Variants in ZNF93 observed in about 807,000 individuals in gnomAD.
The protein encoded by ZNF93 is zinc finger protein 505.
In ZNF93, 29 loss-of-function variants were observed where a neutral mutation model predicts 45.0. The observed-to-expected ratio is 0.64, with a 90% CI of 0.48 to 0.88. The LOEUF is 0.88. ZNF93 is among the 40% of genes least tolerant of loss of function. The pLI, the probability that ZNF93 is intolerant of heterozygous loss-of-function variation, is 0.00. For synonymous variants in ZNF93, 223 were observed against 244.6 expected (o/e 0.91, Z 0.82); for missense variants, 578 against 724.0 (o/e 0.80, Z 2.31).
At position 19,901,085 on chromosome 19, in the gene ZNF93, A is replaced by G. The variant is rs2122155099; in HGVS notation, c.-4A>G. ...AAGACACCAGGACCCCTGGAAGCCT[A>G]GAAATGGTGAGAGTGCCGGTCCGAC... On this transcript the variant is annotated 5_prime_UTR_variant, in exon 1 of 4. Coordinates refer to ENST00000343769, the MANE Select transcript of ZNF93 (RefSeq NM_031218.4). 3 of 1,613,270 alleles carry G rather than the reference A, an allele frequency of 1.9e-6. No homozygotes were observed. The highest frequency in any genetic ancestry group is 2.2e-5 in the East Asian group (1 of 44,854).
intron 3 of ZNF93, among the ~76,000 whole-genome samples, chr19:19,917,784 G>A (rs112495086): frequency 6.6e-6 from 1 of 152,032 alleles, no homozygotes; most frequent in African/African-American, 2.4e-5. Context: ...TCAATGTGCT[G>A]GGATTACAGG....
intron 3 of ZNF93, among the ~76,000 whole-genome samples, chr19:19,918,420 A>G (rs1057408765): frequency 3.9e-4 from 60 of 152,126 alleles, no homozygotes; most frequent in Admixed American, 1.4e-3. Flanking sequence ...ATACGTGTGC[A>G]TGTGTCTTTA....
intron 3 of ZNF93, among the ~76,000 whole-genome samples, chr19:19,929,000 A>G (rs1360240110): frequency 3.3e-5 from 5 of 152,018 alleles, no homozygotes; most frequent in South Asian, 2.1e-4. Flanking sequence ...TAAATCCTCA[A>G]TGTTGGCTAT....
chr19:19,904,444 G>A (rs185949271), intron 1 of ZNF93, among the ~76,000 whole-genome samples: 20 of 152,164 alleles, frequency 1.3e-4, no homozygotes, highest in Admixed American at 1.2e-3. Flanking sequence ...GTTGAGTTTC[G>A]TGGAGGTGAT....
intron 3 of ZNF93, among the ~76,000 whole-genome samples, chr19:19,918,225 TTTGC>T (rs2063330758): frequency 1.3e-5 from 2 of 152,248 alleles, no homozygotes; most frequent in South Asian, 4.2e-4. Context: ...CTTGCGATAG[TTTGC>T]TGAGAATGAT....
intron 3 of ZNF93, chr19:19,932,122 A>C (rs1278405653): frequency 4.6e-6 from 1 of 217,986 alleles, no homozygotes; most frequent in Non-Finnish European, 9.3e-6. Context: ...AAATACAAAA[A>C]ATTAGCCAGG....
rs539085318 is a variant in ZNF93 at position 19,927,131 on chromosome 19, C to A, written c.227-6051C>A. 1.0e-3 allele frequency: 406 copies of A among 398,376 alleles called. 2 individuals carry two copies. Among genetic ancestry groups the A allele is most frequent in the Non-Finnish European group, 1.6e-3 (356 of 226,052 alleles). The allele number at this position is 398,376 out of a possible 1,614,324, so 24.7% of individuals were successfully genotyped here. On this transcript the variant is annotated intron_variant, in intron 3 of 3. Transcript: ENST00000343769. ...TTCAGGGCCAGGTGTGGTTGTGGTGCTCATGTGTAATCCCAGGATTTTGGG... is the reference window on the plus strand; with the variant it reads ...TTCAGGGCCAGGTGTGGTTGTGGTGATCATGTGTAATCCCAGGATTTTGGG...
intron 3 of ZNF93, chr19:19,927,259 G>A (rs2063359136): frequency 7.5e-6 from 3 of 398,342 alleles, no homozygotes; most frequent in Non-Finnish European, 1.3e-5. Context: ...AGCCAGGCAT[G>A]GTGGTGTGCA....
chr19:19,924,118 A>G (rs1163033204), intron 3 of ZNF93, among the ~76,000 whole-genome samples: 2 of 151,558 alleles, frequency 1.3e-5, no homozygotes, highest in African/African-American at 4.9e-5. Context: ...GTGGGATTTC[A>G]GTCTTGTTGC....
intron 1 of ZNF93, chr19:19,908,677 T>G (rs545631141): frequency 6.6e-6 from 1 of 151,918 alleles, no homozygotes; most frequent in African/African-American, 2.4e-5. Flanking sequence ...ACCCCTTCTT[T>G]ACTAAAAATA....
intron 3 of ZNF93, among the ~76,000 whole-genome samples, chr19:19,931,195 T>C (rs1165571447): frequency 6.6e-6 from 1 of 151,242 alleles, no homozygotes; most frequent in Non-Finnish European, 1.5e-5. Context: ...TTATTTTATT[T>C]GGTTTGTTTT....
In ZNF93 at chr19:19,933,878, C is replaced by T. The variant is rs1447567138; in HGVS notation, c.923C>T (p.Thr308Ile). Residue 308 changes from threonine (T) to isoleucine (I), a missense_variant, in exon 4 of 4, where the codon ACT becomes ATT. By Grantham distance (89) the Thr-to-Ile change is moderately conservative (BLOSUM62 -1). Transcript: ENST00000343769. ...STLTKHKKIH[T>I]GEKPYVCEEC... is the part of the protein sequence containing the mutation. Reference sequence around the variant, plus strand: ...CTTACTAAACATAAGAAAATTCATACTGGAGAGAAGCCCTACGTTTGTGAA... The same window carrying T: ...CTTACTAAACATAAGAAAATTCATATTGGAGAGAAGCCCTACGTTTGTGAA... 1.1e-5 allele frequency: 18 copies of T among 1,612,948 alleles called. No homozygotes were observed. The East Asian group carries it at 3.1e-4, about 28-fold the overall frequency.
At chr19:19,903,932 G>A (rs1460602839) in intron 1 of ZNF93, among the ~76,000 whole-genome samples, 1 of 150,944 alleles carries the variant, frequency 6.6e-6, no homozygotes, top group Non-Finnish European at 1.5e-5. Context: ...CTAGGCGGGC[G>A]CTTGTAATCC....
At chr19:19,920,927 G>C (rs573934985) in intron 3 of ZNF93, among the ~76,000 whole-genome samples, 2 of 152,150 alleles carry the variant, frequency 1.3e-5, no homozygotes, top group African/African-American at 4.8e-5. Context: ...AGAGTTTTTT[G>C]TGTCTCTATC....
intron 3 of ZNF93, among the ~76,000 whole-genome samples, chr19:19,931,556 A>G (rs887937445): frequency 6.6e-6 from 1 of 151,378 alleles, no homozygotes; most frequent in African/African-American, 2.4e-5. Context: ...GTAGAGACAG[A>G]GGTTTGCCAT....
Position 19,935,022 on chromosome 19 carries a change from A to G in ZNF93, c.*204A>G. 1 of 556,384 alleles carries G rather than the reference A, an allele frequency of 1.8e-6. No individual in the cohort carries two copies. Among genetic ancestry groups the G allele is most frequent in the Non-Finnish European group, 3.1e-6 (1 of 323,820 alleles). 34.5% of individuals were successfully genotyped at this position (556,384 alleles called of 1,614,324 possible). ...ACCTTGGCCTTTACTACGGTACCTG[A>G]AGTGGTTCAATGACTCAGTTTCAGT... On this transcript the variant is annotated 3_prime_UTR_variant, in exon 4 of 4. Coordinates refer to ENST00000343769, the MANE Select transcript of ZNF93 (RefSeq NM_031218.4).
intron 3 of ZNF93, among the ~76,000 whole-genome samples, chr19:19,928,764 T>A (rs2063363471): frequency 6.6e-6 from 1 of 152,248 alleles, no homozygotes. Context: ...TTGACACCAA[T>A]GGATCTCCCA....
intron 3 of ZNF93, among the ~76,000 whole-genome samples, chr19:19,921,181 G>C (rs1259922496): frequency 6.6e-6 from 1 of 152,154 alleles, no homozygotes; most frequent in African/African-American, 2.4e-5. Flanking sequence ...GTTTATTTCT[G>C]CCTTCATTTC....
At chr19:19,911,829 A>C (rs1044457609) in intron 1 of ZNF93, among the ~76,000 whole-genome samples, 5 of 151,702 alleles carry the variant, frequency 3.3e-5, no homozygotes, top group African/African-American at 1.2e-4. Context: ...GGCTCACTGT[A>C]AACTCTGCCG....
Sources: gnomAD v4.1 joint callset for allele counts (sites outside exome capture counted in the v4.1 genomes callset) on GRCh38, gnomAD v4.1.1 for gene constraint, MANE v1.5 for transcripts, NCBI Gene and HGNC (gene_info 2026-07-23, HGNC 2026-07-21) for gene names.